The following DNAH11 variants were observed in gnomAD, a reference collection of about 807,000 sequenced individuals.
DNAH11 encodes dynein axonemal heavy chain 11, also known as axonemal beta dynein heavy chain 11.
DNAH11 carries 442 observed loss-of-function variants against 526.0 expected under a neutral mutation model. The observed-to-expected ratio is 0.84, with a 90% CI of 0.78 to 0.91. The LOEUF (loss-of-function observed/expected upper bound fraction) is 0.91. DNAH11 is among the 40% of genes least tolerant of loss of function. The pLI, the probability that DNAH11 is intolerant of heterozygous loss-of-function variation, is 0.00. For synonymous variants in DNAH11, 2,461 were observed against 1,935.9 expected (o/e 1.27, Z -7.12); for missense variants, 6,989 against 5,448.7 (o/e 1.28, Z -8.90).
chr7:21,601,509 G>A lies in DNAH11; in HGVS notation c.3539G>A (p.Arg1180Lys), dbSNP rs1785085466. 6.8e-6 allele frequency: 11 copies of A among 1,613,650 alleles called. No homozygotes were observed. The highest frequency in any genetic ancestry group is 9.3e-6 in the Non-Finnish European group (11 of 1,179,818). ...VDIMVHLLAV[R>K]SRQRATDELF... is the part of the protein sequence containing the mutation. ...ATCATGGTGCATCTTCTGGCTGTAAGAAGCCGACAGAGAGCTACTGATGAA... is the reference window on the plus strand; with the variant it reads ...ATCATGGTGCATCTTCTGGCTGTAAAAAGCCGACAGAGAGCTACTGATGAA... Residue 1180 changes from arginine to lysine, a missense_variant, in exon 18 of 82, where the codon AGA becomes AAA. Coordinates refer to ENST00000409508, the MANE Select transcript of DNAH11 (RefSeq NM_001277115.2).
At chr7:21,853,650 A>G (rs1782724250) in intron 67 of DNAH11, among the ~76,000 whole-genome samples, 1 of 152,238 alleles carries the variant, frequency 6.6e-6, no homozygotes, top group South Asian at 2.1e-4. Context: ...GACCAGCAGT[A>G]GTCCTAGATA....
chr7:21,783,731 G>A (rs976273136), intron 57 of DNAH11, among the ~76,000 whole-genome samples: 3 of 148,550 alleles, frequency 2.0e-5, no homozygotes, highest in African/African-American at 7.4e-5. Context: ...GAAGGCTGAT[G>A]CAGCACCCTC....
chr7:21,637,780 T>C, intron 27 of DNAH11, 78 bp downstream of exon 27: 1 of 884,518 alleles, frequency 1.1e-6, no homozygotes. Flanking sequence ...TAGTATTTAA[T>C]ACTGTGTTAT....
At chr7:21,570,890 A>G (rs1783860705) in intron 7 of DNAH11, among the ~76,000 whole-genome samples, 1 of 152,090 alleles carries the variant, frequency 6.6e-6, no homozygotes, top group Non-Finnish European at 1.5e-5. Flanking sequence ...GTTTAAAAAA[A>G]AAAAAAAAAA....
chr7:21,749,173 T>C (rs1786291872), intron 52 of DNAH11, among the ~76,000 whole-genome samples: 1 of 152,214 alleles, frequency 6.6e-6, no homozygotes. Context: ...ATAACACGTT[T>C]AGGAAACTCT....
intron 14 of DNAH11, among the ~76,000 whole-genome samples, chr7:21,591,924 C>A (rs1784701375): frequency 6.6e-6 from 1 of 152,166 alleles, no homozygotes; most frequent in Non-Finnish European, 1.5e-5. Flanking sequence ...AAACAACTTC[C>A]TTAGGTCATC....
chr7:21,676,422 A>G (rs1428055649), intron 30 of DNAH11, among the ~76,000 whole-genome samples: 1 of 152,242 alleles, frequency 6.6e-6, no homozygotes, highest in Non-Finnish European at 1.5e-5. Context: ...AGTACTGACC[A>G]TAATGATTGC....
At chr7:21,627,053 G>A (rs1786373924) in intron 25 of DNAH11, among the ~76,000 whole-genome samples, 1 of 152,138 alleles carries the variant, frequency 6.6e-6, no homozygotes, top group African/African-American at 2.4e-5. Context: ...CGGCCTGTGT[G>A]TCTTCTTTTG....
chr7:21,739,227 G>T lies in DNAH11; in HGVS notation c.7812-344G>T, dbSNP rs2965364. Among the ~76,000 whole-genome samples, 97,474 of 152,038 alleles carry T rather than the reference G, an allele frequency of 0.64. 32,892 individuals are homozygous for T. Among genetic ancestry groups the T allele is most frequent in the Non-Finnish European group, 0.75 (51,189 of 67,978 alleles). On this transcript the variant is annotated intron_variant, in intron 47 of 81. Coordinates refer to ENST00000409508, the MANE Select transcript of DNAH11 (RefSeq NM_001277115.2). ...TGTAAATGTTTGGGCACTGTAGTCT[G>T]CAATCCCTGACAATTAACTACAGGG...
rs758187771 is a variant in DNAH11, at chr7:21,707,722, A to G, written c.6570A>G (p.Thr2190=). The part of the protein sequence containing the change: ...KSKILRTLNR[T]YVNMKQKPVW... ...AGATTTTGAGAACACTGAACCGAAC[A>G]TATGTTAACATGAAACAGAAGCCGG... The change falls in exon 40 of 82, where the codon ACA becomes ACG. Residue 2190 remains threonine (T), a synonymous_variant. Coordinates refer to ENST00000409508, the MANE Select transcript of DNAH11 (RefSeq NM_001277115.2). The G allele has an allele frequency of 1.1e-5, 17 of 1,613,484 alleles. No homozygotes were observed. Among genetic ancestry groups the G allele is most frequent in the Non-Finnish European group, 1.4e-5 (16 of 1,179,660 alleles).
intron 54 of DNAH11, among the ~76,000 whole-genome samples, chr7:21,756,197 G>A (rs896070782): frequency 2.0e-5 from 3 of 151,868 alleles, no homozygotes; most frequent in African/African-American, 7.3e-5. Context: ...TTAATGTTCA[G>A]CCATACAGTT....
At chr7:21,851,719 G>T (rs1479416103) in intron 66 of DNAH11, 3 of 466,066 alleles carry the variant, frequency 6.4e-6, no homozygotes, top group African/African-American at 6.0e-5. Flanking sequence ...TTGCATGTCA[G>T]TGTTCCCGAG....
At chr7:21,606,091 A>T (rs985476625) in intron 18 of DNAH11, among the ~76,000 whole-genome samples, 1 of 152,216 alleles carries the variant, frequency 6.6e-6, no homozygotes, top group South Asian at 2.1e-4. Flanking sequence ...TGGGAGCCAG[A>T]GGCAGGTGAA....
intron 14 of DNAH11, among the ~76,000 whole-genome samples, chr7:21,594,740 G>A (rs1261790954): frequency 6.6e-6 from 1 of 152,098 alleles, no homozygotes; most frequent in Non-Finnish European, 1.5e-5. Context: ...GGAAGTAAGT[G>A]TGGGGGGAGT....
chr7:21,708,779 C>T (rs568312208), intron 40 of DNAH11, among the ~76,000 whole-genome samples: 2 of 152,278 alleles, frequency 1.3e-5, no homozygotes, highest in African/African-American at 4.8e-5. Context: ...TTCTGGATGC[C>T]CGCATGACTT....
intron 37 of DNAH11, chr7:21,703,829 A>G (rs558286383): frequency 2.0e-5 from 3 of 152,184 alleles, no homozygotes; most frequent in Admixed American, 2.0e-4. Flanking sequence ...GTATTTTTGT[A>G]CTTTTCTTTG....
At chr7:21,887,714 C>T (rs1784177207) in intron 76 of DNAH11, among the ~76,000 whole-genome samples, 1 of 152,124 alleles carries the variant, frequency 6.6e-6, no homozygotes, top group Admixed American at 6.5e-5. Flanking sequence ...TTTGGCTATA[C>T]ATTAATCTGT....
At chr7:21,807,775 T>A in intron 62 of DNAH11, 108 bp from the exon 63 acceptor site, 2 of 1,011,868 alleles carry the variant, frequency 2.0e-6, no homozygotes, top group Non-Finnish European at 1.4e-6. Context: ...TTCCTTATAG[T>A]GACTGTGTGG....
intron 45 of DNAH11, among the ~76,000 whole-genome samples, chr7:21,733,193 C>T (rs1197371459): frequency 1.3e-5 from 2 of 152,150 alleles, no homozygotes; most frequent in African/African-American, 4.8e-5. Context: ...TCAAGACCAG[C>T]CTAGCCAACA....
Sources: gnomAD v4.1 joint callset for allele counts (sites outside exome capture counted in the v4.1 genomes callset) on GRCh38, gnomAD v4.1.1 for gene constraint, MANE v1.5 for transcripts, NCBI Gene and HGNC (gene_info 2026-07-23, HGNC 2026-07-21) for gene names.